The following ESD variants were observed in gnomAD, a reference collection of about 807,000 sequenced individuals.
ESD encodes the protein S-formylglutathione hydrolase.
Under a neutral mutation model 38.1 loss-of-function variants are expected in ESD, and 34 were observed. The ratio of observed to expected loss-of-function variants is 0.89; its 90% confidence interval spans 0.68 to 1.19. The LOEUF is 1.19. ESD is among the 50% of genes most tolerant of loss of function. The probability of loss-of-function intolerance (pLI) is 0.00; values close to 1 mark genes in which losing one functional copy is unlikely to be tolerated. For missense variants in ESD, 334 were observed against 327.2 expected (o/e 1.02, Z -0.16); for synonymous variants, 97 against 107.0 (o/e 0.91, Z 0.58).
rs372376829 is a variant in ESD at position 46,791,348 on chromosome 13, G to A, written c.66C>T (p.Asp22=). The A allele has an allele frequency of 2.2e-5, 35 of 1,609,766 alleles. No individual in the cohort carries two copies. The highest frequency in any genetic ancestry group is 8.4e-5 in the Admixed American group (5 of 59,678). The change falls in exon 3 of 10, where the codon GAC becomes GAT. Residue 22 remains aspartate (D), a splice_region_variant and synonymous_variant. Transcript: ENST00000378720. The part of the protein sequence containing the change: ...FGGLQKVFEH[D]SVELNCKMKF... Reference sequence around the variant, plus strand: ...AATTATATCTTCTTAATAGTTACCTGTCATGTTCAAAAACTTTCTGCAATC... The same window carrying A: ...AATTATATCTTCTTAATAGTTACCTATCATGTTCAAAAACTTTCTGCAATC...
intron 9 of ESD, chr13:46,775,489 T>G (rs142799421): frequency 9.3e-5 from 32 of 343,610 alleles, no homozygotes; most frequent in African/African-American, 6.9e-4. Context: ...GAAATACAGT[T>G]ATACTATACT....
At chr13:46,785,422 G>C (rs546301271) in intron 4 of ESD, among the ~76,000 whole-genome samples, 73 of 152,090 alleles carry the variant, frequency 4.8e-4, no homozygotes, top group African/African-American at 1.7e-3. Flanking sequence ...AGCTAATAAA[G>C]GGCTGTTTCA....
At chr13:46,782,864 G>C (rs1187617330) in intron 5 of ESD, 73 bp from the exon 6 acceptor site, 2 of 1,536,432 alleles carry the variant, frequency 1.3e-6, no homozygotes, top group African/African-American at 2.7e-5. Context: ...ACTTTCAGAT[G>C]AATCTGCAAG....
chr13:46,784,568 TA>T (rs1344102449), intron 4 of ESD, among the ~76,000 whole-genome samples: 1 of 152,008 alleles, frequency 6.6e-6, no homozygotes, highest in Non-Finnish European at 1.5e-5. Context: ...TGTACCCCTT[TA>T]ATCTAAAATA....
chr13:46,781,536 C>T lies in ESD; in HGVS notation c.461G>A (p.Gly154Glu), dbSNP rs1874999830. 6.2e-7 allele frequency: 1 copy of T among 1,608,538 alleles called. No individual in the cohort carries two copies. Among genetic ancestry groups the T allele is most frequent in the Non-Finnish European group, 8.5e-7 (1 of 1,176,282 alleles). ...SIFGHSMGGH[G>E]ALICALKNPG... Reference sequence around the variant, plus strand: ...ATTTTTCAAAGCACAGATCAGAGCTCCATGACCTCCCATGGAGTGGCCAAA... The same window carrying T: ...ATTTTTCAAAGCACAGATCAGAGCTTCATGACCTCCCATGGAGTGGCCAAA... Residue 154 changes from glycine (G) to glutamate (E), a missense_variant, in exon 7 of 10, where the codon GGA becomes GAA. Gly to Glu is a moderately conservative substitution (Grantham distance 98, BLOSUM62 -2). Coordinates refer to ENST00000378720, the MANE Select transcript of ESD (RefSeq NM_001984.2).
intron 8 of ESD, among the ~76,000 whole-genome samples, chr13:46,779,565 T>C (rs922546164): frequency 1.3e-5 from 2 of 151,176 alleles, no homozygotes; most frequent in Non-Finnish European, 3.0e-5. Context: ...CAACCTGTAA[T>C]ATGTGGTATT....
intron 5 of ESD, 38 bp from the exon 6 acceptor site, chr13:46,782,829 A>G (rs1194288750): frequency 6.2e-7 from 1 of 1,605,274 alleles, no homozygotes; most frequent in Non-Finnish European, 8.5e-7. Flanking sequence ...TCTGCTCTGT[A>G]GTAATGGCCC....
intron 9 of ESD, among the ~76,000 whole-genome samples, chr13:46,772,964 G>A (rs762367313): frequency 5.3e-5 from 8 of 152,146 alleles, no homozygotes; most frequent in East Asian, 1.9e-4. Context: ...GATTACAGGC[G>A]TGAGCCACTG....
intron 1 of ESD, among the ~76,000 whole-genome samples, chr13:46,793,769 T>C (rs1227186927): frequency 1.3e-5 from 2 of 152,170 alleles, no homozygotes; most frequent in African/African-American, 2.4e-5. Context: ...TTTCGAAGCA[T>C]GAGATGTAGT....
chr13:46,774,895 A>G (rs967410681), intron 9 of ESD, among the ~76,000 whole-genome samples: 51 of 152,304 alleles, frequency 3.3e-4, no homozygotes, highest in African/African-American at 1.2e-3. Flanking sequence ...CATTTCTGGG[A>G]TTCTCTGCCA....
At chr13:46,778,049 C>CT (rs573011906) in intron 8 of ESD, among the ~76,000 whole-genome samples, 2,871 of 151,194 alleles carry the variant, frequency 0.019, 46 homozygotes, top group South Asian at 0.052. Context: ...TTCAGATAAT[C>CT]TTTTTTTTTA....
intron 9 of ESD, among the ~76,000 whole-genome samples, chr13:46,772,779 G>A (rs1874652539): frequency 6.6e-6 from 1 of 152,120 alleles, no homozygotes; most frequent in Admixed American, 6.5e-5. Context: ...CCACATCCCG[G>A]GTTCAAGCGA....
At chr13:46,791,900 T>G (rs1875417596) in intron 2 of ESD, among the ~76,000 whole-genome samples, 1 of 152,018 alleles carries the variant, frequency 6.6e-6, no homozygotes, top group Admixed American at 6.6e-5. Context: ...ACACTTACGG[T>G]GTGATACACA....
At chr13:46,791,235 G>A in intron 3 of ESD, 111 bp downstream of exon 3, 3 of 744,274 alleles carry the variant, frequency 4.0e-6, no homozygotes, top group South Asian at 1.9e-5. Context: ...GAGTAAGCAA[G>A]TTTAAAAGTA....
Position 46,791,433 on chromosome 13 carries a change from A to G in ESD, c.-7-13T>C, listed in dbSNP as rs1208911834. 1.3e-6 allele frequency: 2 copies of G among 1,591,006 alleles called. No homozygotes were observed. The highest frequency in any genetic ancestry group is 1.8e-5 in the Admixed American group (1 of 57,028). On this transcript the variant is annotated splice_polypyrimidine_tract_variant and intron_variant, in intron 2 of 9. Coordinates refer to ENST00000378720, the MANE Select transcript of ESD (RefSeq NM_001984.2). Reference sequence around the variant, plus strand: ...TGCCATTCTTTTCCTATTAGTAAAGAGTAATCTCATTAATTTCCAGAGAAT... The same window carrying G: ...TGCCATTCTTTTCCTATTAGTAAAGGGTAATCTCATTAATTTCCAGAGAAT...
At chr13:46,784,108 T>C in intron 5 of ESD, 144 bp downstream of exon 5, 1 of 588,238 alleles carries the variant, frequency 1.7e-6, no homozygotes, top group Non-Finnish European at 2.9e-6. Flanking sequence ...GCATGGTATT[T>C]TGGAGTCATG....
At chr13:46,785,471 C>T (rs962328122) in intron 4 of ESD, among the ~76,000 whole-genome samples, 3 of 152,000 alleles carry the variant, frequency 2.0e-5, no homozygotes, top group Admixed American at 1.3e-4. Context: ...AATCACTACA[C>T]ATGAACTATC....
chr13:46,794,718 T>C (rs1201577154), intron 1 of ESD, among the ~76,000 whole-genome samples: 3 of 152,160 alleles, frequency 2.0e-5, no homozygotes, highest in African/African-American at 4.8e-5. Context: ...CTTAACAACC[T>C]AGACAGGTGT....
At chr13:46,772,352 C>G (rs1348532212) in intron 9 of ESD, among the ~76,000 whole-genome samples, 1 of 152,146 alleles carries the variant, frequency 6.6e-6, no homozygotes, top group Non-Finnish European at 1.5e-5. Context: ...TTTCTGCTGA[C>G]TCTGACACTT....
Sources: gnomAD v4.1 joint callset for allele counts (sites outside exome capture counted in the v4.1 genomes callset) on GRCh38, gnomAD v4.1.1 for gene constraint, MANE v1.5 for transcripts, NCBI Gene and HGNC (gene_info 2026-07-23, HGNC 2026-07-21) for gene names.